Variants in MGST2 observed in about 807,000 individuals in gnomAD.
MGST2 encodes the protein glutathione peroxidase MGST2.
A neutral mutation model predicts 16.6 loss-of-function variants in MGST2; 9 were observed. The ratio of observed to expected loss-of-function variants is 0.54; its 90% CI spans 0.33 to 0.95. The LOEUF (loss-of-function observed/expected upper bound fraction) is 0.95, where lower values mean the gene tolerates loss of function less well. Among genes scored for constraint, MGST2 ranks in the 40% least tolerant of loss-of-function variants. The pLI, the probability that MGST2 is intolerant of heterozygous loss-of-function variation, is 0.03. For synonymous variants in MGST2, 79 were observed against 68.0 expected (o/e 1.16, Z -0.79); for missense variants, 159 against 175.1 (o/e 0.91, Z 0.52).
chr4:139,722,298 A>G (rs933580862), intron 5 of MGST2, among the ~76,000 whole-genome samples: 2 of 152,186 alleles, frequency 1.3e-5, no homozygotes, highest in African/African-American at 4.8e-5. Flanking sequence ...AAAATCAGCA[A>G]TTGCCACATT....
At chr4:139,692,969 G>C (rs1726698389) in intron 2 of MGST2, among the ~76,000 whole-genome samples, 1 of 152,170 alleles carries the variant, frequency 6.6e-6, no homozygotes, top group East Asian at 1.9e-4. Context: ...GGCTATTTTT[G>C]AAGGTGCTTT....
the MGST2 span, among the ~76,000 whole-genome samples, chr4:139,747,616 C>T: frequency 7.9e-5 from 12 of 151,608 alleles, no homozygotes; most frequent in African/African-American, 2.7e-4. Flanking sequence ...ACTGCCTGAA[C>T]CGGGAGGGTG....
intron 5 of MGST2, among the ~76,000 whole-genome samples, chr4:139,736,283 T>TA (rs1452865575): frequency 6.6e-6 from 1 of 152,252 alleles, no homozygotes; most frequent in Non-Finnish European, 1.5e-5. Context: ...CCTGCAAAGA[T>TA]ACTATTGAAA....
intron 5 of MGST2, chr4:139,719,832 C>T (rs1728157440): frequency 6.2e-7 from 1 of 1,613,614 alleles, no homozygotes. Flanking sequence ...CCAGGCATGC[C>T]CTGCAAGCTC....
chr4:139,723,210 C>G (rs1728322249), intron 5 of MGST2, among the ~76,000 whole-genome samples: 1 of 152,146 alleles, frequency 6.6e-6, no homozygotes, highest in Non-Finnish European at 1.5e-5. Flanking sequence ...CAGTACAATC[C>G]CAATTTTTGT....
intron 5 of MGST2, among the ~76,000 whole-genome samples, chr4:139,716,278 C>CAA (rs1387267646): frequency 6.6e-6 from 1 of 152,138 alleles, no homozygotes; most frequent in Non-Finnish European, 1.5e-5. Context: ...GTTTGAGATG[C>CAA]AAAGAAGTGG....
At chr4:139,693,512 C>T (rs1726739317) in intron 2 of MGST2, among the ~76,000 whole-genome samples, 1 of 151,922 alleles carries the variant, frequency 6.6e-6, no homozygotes, top group African/African-American at 2.4e-5. Flanking sequence ...TGGATTTAGC[C>T]AAGGAAAAAG....
intron 2 of MGST2, among the ~76,000 whole-genome samples, chr4:139,681,331 A>G (rs79195557): frequency 0.038 from 5,806 of 152,098 alleles, 195 homozygotes; most frequent in East Asian, 0.19. Flanking sequence ...AATATTTTTT[A>G]ATATTATTTC....
At chr4:139,669,474 T>C (rs1033766057) in intron 1 of MGST2, among the ~76,000 whole-genome samples, 4 of 152,238 alleles carry the variant, frequency 2.6e-5, no homozygotes, top group African/African-American at 9.6e-5. Flanking sequence ...CCCTTCAATG[T>C]TACCATCAAA....
intron 5 of MGST2, chr4:139,717,558 A>G (rs1158336917): frequency 6.6e-6 from 1 of 152,166 alleles, no homozygotes; most frequent in African/African-American, 2.4e-5. Context: ...GAGCAGCTCT[A>G]CAACCCCGGG....
At chr4:139,677,504 A>ATTTTTT (rs56082407) in intron 1 of MGST2, among the ~76,000 whole-genome samples, 165 of 145,116 alleles carry the variant, frequency 1.1e-3, no homozygotes, top group African/African-American at 3.8e-3. Flanking sequence ...GTGAATCTGC[A>ATTTTTT]TTTTTTTTTT....
chr4:139,747,550 C>T, the MGST2 span, among the ~76,000 whole-genome samples: 10 of 151,760 alleles, frequency 6.6e-5, no homozygotes, highest in Non-Finnish European at 1.5e-4. Flanking sequence ...AAAAATTAGC[C>T]GGCTGTGGTG....
At chr4:139,713,660 CT>C in intron 5 of MGST2, among the ~76,000 whole-genome samples, 1 of 152,198 alleles carries the variant, frequency 6.6e-6, no homozygotes, top group East Asian at 1.9e-4. Context: ...AAAAGAAATA[CT>C]TTTGGATCTC....
rs746982910 is a variant in MGST2, at chr4:139,703,477, G to C, written c.252G>C (p.Leu84=). ...FNQVFATCLG[L]VYIYGRHLYF... ...TAGTTTTTGCTACTTGTCTGGGTCT[G>C]GTGTACATATATGGCCGTCACCTAT... is the stretch of plus-strand genomic sequence containing the variant. Residue 84 remains leucine (L), a synonymous_variant, in exon 4 of 5, where the codon CTG becomes CTC. Coordinates refer to ENST00000265498, the MANE Select transcript of MGST2 (RefSeq NM_002413.5). The C allele has an allele frequency of 6.2e-7, 1 of 1,613,608 alleles. No individual in the cohort carries two copies. Among genetic ancestry groups the C allele is most frequent in the Non-Finnish European group, 8.5e-7 (1 of 1,179,848 alleles).
At chr4:139,672,788 T>A (rs983963266) in intron 1 of MGST2, among the ~76,000 whole-genome samples, 9 of 152,142 alleles carry the variant, frequency 5.9e-5, no homozygotes, top group African/African-American at 2.2e-4. Flanking sequence ...TGACCTCAAG[T>A]GATCCACTAG....
intron 2 of MGST2, among the ~76,000 whole-genome samples, chr4:139,689,618 C>T (rs115483312): frequency 0.011 from 1,747 of 152,254 alleles, 17 homozygotes; most frequent in Non-Finnish European, 0.019. Context: ...CCCACTGGTT[C>T]AGGATGAGTC....
intron 1 of MGST2, among the ~76,000 whole-genome samples, chr4:139,667,039 A>T (rs1730393960): frequency 6.6e-6 from 1 of 152,248 alleles, no homozygotes; most frequent in South Asian, 2.1e-4. Flanking sequence ...TAATTAAAGA[A>T]GCACTTAGAT....
intron 2 of MGST2, among the ~76,000 whole-genome samples, chr4:139,684,059 G>A (rs929372051): frequency 2.6e-5 from 4 of 151,692 alleles, no homozygotes; most frequent in Non-Finnish European, 5.9e-5. Context: ...CTGCGTACTG[G>A]GACTACAGGT....
the MGST2 span, among the ~76,000 whole-genome samples, chr4:139,748,350 C>T: frequency 6.6e-6 from 1 of 152,122 alleles, no homozygotes; most frequent in East Asian, 1.9e-4. Context: ...AACAGGCTCA[C>T]ACCCCAAAAC....
Sources: gnomAD v4.1 joint callset for allele counts (sites outside exome capture counted in the v4.1 genomes callset) on GRCh38, gnomAD v4.1.1 for gene constraint, MANE v1.5 for transcripts, NCBI Gene and HGNC (gene_info 2026-07-23, HGNC 2026-07-21) for gene names.